The following ZNF804B variants were observed in gnomAD, a reference collection of about 807,000 sequenced individuals.
The protein encoded by ZNF804B is zinc finger 804B.
Under a neutral mutation model 101.4 loss-of-function variants are expected in ZNF804B, and 80 were observed. The ratio of observed to expected loss-of-function variants is 0.79; its 90% CI spans 0.66 to 0.95. The LOEUF is 0.95. ZNF804B is among the 40% of genes least tolerant of loss of function. The probability of loss-of-function intolerance (pLI) is 0.00; values close to 1 mark genes in which losing one functional copy is unlikely to be tolerated. For missense variants in ZNF804B, 1,673 were observed against 1,561.9 expected (o/e 1.07, Z -1.20); for synonymous variants, 622 against 558.8 (o/e 1.11, Z -1.59).
chr7:89,226,951 C>T (rs1188121045), intron 2 of ZNF804B, among the ~76,000 whole-genome samples: 1 of 152,178 alleles, frequency 6.6e-6, no homozygotes, highest in East Asian at 1.9e-4. Flanking sequence ...TTAGTCCTTT[C>T]TCCCTCTTCC....
intron 1 of ZNF804B, among the ~76,000 whole-genome samples, chr7:88,836,224 A>G (rs956320249): frequency 4.6e-5 from 7 of 151,948 alleles, no homozygotes; most frequent in African/African-American, 1.7e-4. Context: ...TTGAACCTTC[A>G]TTTTCTAGTA....
At chr7:88,968,138 G>A (rs1050192568) in intron 1 of ZNF804B, among the ~76,000 whole-genome samples, 2 of 73,868 alleles carry the variant, frequency 2.7e-5, no homozygotes, top group African/African-American at 7.8e-5. Context: ...AAAGTTAACC[G>A]AATTTTTCAA....
intron 1 of ZNF804B, among the ~76,000 whole-genome samples, chr7:89,170,053 G>C (rs1033134693): frequency 6.6e-6 from 1 of 152,200 alleles, no homozygotes; most frequent in African/African-American, 2.4e-5. Context: ...TCAACATTCT[G>C]TTTGGACACT....
intron 1 of ZNF804B, among the ~76,000 whole-genome samples, chr7:89,085,876 T>C (rs1789792173): frequency 6.6e-6 from 1 of 152,048 alleles, no homozygotes; most frequent in Non-Finnish European, 1.5e-5. Flanking sequence ...ATCTTCCAAC[T>C]ATGACAATCC....
At chr7:89,074,879 G>T (rs180767653) in intron 1 of ZNF804B, among the ~76,000 whole-genome samples, 37 of 152,310 alleles carry the variant, frequency 2.4e-4, no homozygotes, top group African/African-American at 7.7e-4. Flanking sequence ...CTCAGATGGA[G>T]ATGAGGAACT....
At chr7:88,843,913 A>G (rs1791328171) in intron 1 of ZNF804B, among the ~76,000 whole-genome samples, 1 of 152,154 alleles carries the variant, frequency 6.6e-6, no homozygotes, top group Non-Finnish European at 1.5e-5. Flanking sequence ...AACTCTTTTA[A>G]CAATACCTGG....
At chr7:89,012,986 G>A (rs1432166006) in intron 1 of ZNF804B, among the ~76,000 whole-genome samples, 2 of 152,144 alleles carry the variant, frequency 1.3e-5, no homozygotes, top group African/African-American at 4.8e-5. Context: ...TCCCAGGATG[G>A]CAGGAGAGAG....
intron 1 of ZNF804B, among the ~76,000 whole-genome samples, chr7:89,066,566 A>G (rs1230305061): frequency 2.6e-5 from 4 of 152,156 alleles, no homozygotes; most frequent in Admixed American, 2.6e-4. Flanking sequence ...ACCAGTTTTA[A>G]TCAAACATGC....
intron 1 of ZNF804B, among the ~76,000 whole-genome samples, chr7:88,890,335 G>C (rs533148241): frequency 1.3e-5 from 2 of 152,228 alleles, no homozygotes; most frequent in South Asian, 4.2e-4. Context: ...TCTCCTGTAA[G>C]TATTTGTTTG....
intron 1 of ZNF804B, among the ~76,000 whole-genome samples, chr7:88,859,217 T>C (rs1791613858): frequency 6.6e-6 from 1 of 151,870 alleles, no homozygotes; most frequent in East Asian, 1.9e-4. Flanking sequence ...GTGTGTGTGC[T>C]GTTTCTGTAT....
chr7:89,253,782 A>T (rs139471728), intron 2 of ZNF804B, among the ~76,000 whole-genome samples: 2 of 152,246 alleles, frequency 1.3e-5, no homozygotes, highest in Admixed American at 1.3e-4. Context: ...TAAATACGTT[A>T]TTTGCATCTC....
At chr7:89,073,445 G>T (rs187419676) in intron 1 of ZNF804B, among the ~76,000 whole-genome samples, 4 of 151,960 alleles carry the variant, frequency 2.6e-5, no homozygotes, top group Non-Finnish European at 4.4e-5. Context: ...ATTAGAAAAG[G>T]CTGCTTATTT....
chr7:89,279,010 A>T (rs1375538054), intron 2 of ZNF804B, among the ~76,000 whole-genome samples: 1 of 152,088 alleles, frequency 6.6e-6, no homozygotes, highest in Non-Finnish European at 1.5e-5. Flanking sequence ...ATTTGTTTGT[A>T]TCCTCTTTAA....
chr7:89,032,901 T>C (rs1263299174), intron 1 of ZNF804B, among the ~76,000 whole-genome samples: 2 of 152,110 alleles, frequency 1.3e-5, no homozygotes, highest in Non-Finnish European at 2.9e-5. Context: ...AATTAAATGA[T>C]TCTAATTAGC....
At chr7:89,315,756 A>G (rs1790715760) in intron 2 of ZNF804B, among the ~76,000 whole-genome samples, 2 of 152,188 alleles carry the variant, frequency 1.3e-5, no homozygotes, top group South Asian at 4.1e-4. Flanking sequence ...ACACACACAC[A>G]CAAGCTGATC....
intron 1 of ZNF804B, among the ~76,000 whole-genome samples, chr7:88,908,804 A>G (rs1275333505): frequency 6.6e-6 from 1 of 151,802 alleles, no homozygotes; most frequent in Non-Finnish European, 1.5e-5. Context: ...TGAAATTAGT[A>G]ATCTGTCATG....
At chr7:88,924,576 T>A (rs1245903133) in intron 1 of ZNF804B, among the ~76,000 whole-genome samples, 1 of 152,140 alleles carries the variant, frequency 6.6e-6, no homozygotes, top group Non-Finnish European at 1.5e-5. Flanking sequence ...CTACTCTGAT[T>A]TCCTGACTTA....
rs1476878723 is a variant in ZNF804B, at chr7:89,218,261, A to G, written c.215A>G (p.Asn72Ser). The stretch of plus-strand genomic sequence containing the variant: ...TATCACAAACACCAGGAGTTTGACA[A>G]TCATATTAATTCTTATGACCATGCT... ...KQYHKHQEFD[N>S]HINSYDHAHK... The change falls in exon 2 of 4, where the codon AAT becomes AGT. Residue 72 changes from asparagine to serine, a missense_variant. Transcript: ENST00000333190. 1.2e-6 allele frequency: 2 copies of G among 1,613,742 alleles called. No individual in the cohort carries two copies. The highest frequency in any genetic ancestry group is 2.2e-5 in the East Asian group (1 of 44,830).
At chr7:88,886,685 G>A (rs145523282) in intron 1 of ZNF804B, among the ~76,000 whole-genome samples, 32 of 151,128 alleles carry the variant, frequency 2.1e-4, no homozygotes, top group African/African-American at 7.5e-4. Flanking sequence ...ATATTTTATC[G>A]ATTTCACAAT....
Sources: allele counts gnomAD v4.1 joint callset (sites outside exome capture counted in the v4.1 genomes callset), GRCh38; gene constraint gnomAD v4.1.1; transcripts MANE v1.5; gene names NCBI Gene and HGNC (gene_info 2026-07-23, HGNC 2026-07-21).